The following SLC30A3 variants were observed in gnomAD, a reference collection of about 807,000 sequenced individuals.
SLC30A3 encodes the protein probable proton-coupled zinc antiporter SLC30A3.
Under a neutral mutation model 35.6 loss-of-function variants are expected in SLC30A3, and 20 were observed. The observed-to-expected ratio is 0.56, with a 90% CI of 0.39 to 0.82. The LOEUF is 0.82. SLC30A3 is among the 40% of genes least tolerant of loss of function. SLC30A3 has a pLI of 0.00. For synonymous variants in SLC30A3, 217 were observed against 224.7 expected, an observed-to-expected ratio of 0.97 and a Z score of 0.31; for missense variants, 401 against 530.6, an observed-to-expected ratio of 0.76 and a Z score of 2.40.
chr2:27,275,281 C>T (rs1241627082), exon 1 of SLC30A3: 1 of 1,210,214 alleles, frequency 8.3e-7, no homozygotes, highest in African/African-American at 1.6e-5. Flanking sequence ...CGGTGGGAAT[C>T]CCTGCCCCAA....
At chr2:27,264,457 A>G (rs1677391920), upstream of SLC30A3, among the ~76,000 whole-genome samples, 1 of 152,256 alleles carries the variant, frequency 6.6e-6, no homozygotes, top group Non-Finnish European at 1.5e-5. The surrounding 1 kb of genome is among the most constrained non-coding windows in gnomAD (Gnocchi z 6.1). Context: ...GGATTAGGAA[A>G]GCTGGGCGGC....
rs1433810125 is a variant in SLC30A3, at chr2:27,271,723, G to A, written c.-159+3454C>T. ...CAGTCAAAGAGGCTCTGGTTTCTAG[G>A]TAAAGGCAAAGAGGAGAGCCACTGG... is the stretch of plus-strand genomic sequence containing the variant. On this transcript the variant is annotated intron_variant, in intron 1 of 5. Coordinates refer to the SLC30A3 transcript ENST00000424577. The surrounding 1 kb of genome is among the most constrained non-coding windows in gnomAD (Gnocchi z 4.3). 6.6e-6 allele frequency among the ~76,000 whole-genome samples: 1 copy of A among 152,206 alleles called. No individual in the cohort carries two copies. The highest frequency in any genetic ancestry group is 1.5e-5 in the Non-Finnish European group (1 of 68,046).
rs1677737746 is a variant in SLC30A3 at position 27,271,819 on chromosome 2, A to G, written c.-159+3358T>C. 6.6e-6 allele frequency among the ~76,000 whole-genome samples: 1 copy of G among 152,262 alleles called. No homozygotes were observed. Among genetic ancestry groups the G allele is most frequent in the Non-Finnish European group, 1.5e-5 (1 of 68,040 alleles). On this transcript the variant is annotated intron_variant, in intron 1 of 5. Coordinates refer to the SLC30A3 transcript ENST00000424577. This position sits in a 1 kb window ranked among gnomAD's most constrained non-coding sequence, Gnocchi z 4.3. Reference sequence around the variant, plus strand: ...AGCTTCCTGGCTGAAGTGACATTCTATTCAGAGCAGAGCCTCGCAAGACTT... The same window carrying G: ...AGCTTCCTGGCTGAAGTGACATTCTGTTCAGAGCAGAGCCTCGCAAGACTT...
At position 27,258,679 on chromosome 2, in the gene SLC30A3, C is replaced by T; in HGVS notation, c.277+74G>A. 2 of 1,527,024 alleles carry T rather than the reference C, an allele frequency of 1.3e-6. No individual in the cohort carries two copies. Among genetic ancestry groups the T allele is most frequent in the Non-Finnish European group, 1.8e-6 (2 of 1,106,646 alleles). The allele number at this position is 1,527,024 out of a possible 1,614,324, so 94.6% of individuals were successfully genotyped here. ...CTCTGCATCTGCACCCAGGAACATT[C>T]CTGGGACTCTGGGTGGAGAGTGGCT... is the stretch of plus-strand genomic sequence containing the variant. On this transcript the variant is annotated intron_variant, in intron 2 of 7. Coordinates refer to ENST00000233535, the MANE Select transcript of SLC30A3 (RefSeq NM_003459.5). The surrounding 1 kb of genome is among the most constrained non-coding windows in gnomAD (Gnocchi z 4.0).
At position 27,256,829 on chromosome 2, in the gene SLC30A3, G is replaced by A. The variant is rs1337657404; in HGVS notation, c.842C>T (p.Thr281Ile). The stretch of plus-strand genomic sequence containing the variant: ...AAGAACGTCTCGGAGGGTGGGAGCG[G>A]TGGATCCAAGGGCACAGATGGAGAA... ...FLFSICALGS[T>I]APTLRDVLRI... The change falls in exon 6 of 8, where the codon ACC (threonine) becomes ATC (isoleucine). Residue 281 changes from threonine (T) to isoleucine (I), a missense_variant. Transcript: ENST00000233535. 14 of 1,606,196 alleles carry A rather than the reference G, an allele frequency of 8.7e-6. No homozygotes were observed.
upstream of SLC30A3, among the ~76,000 whole-genome samples, chr2:27,265,096 C>A (rs1221823795): frequency 6.6e-6 from 1 of 152,230 alleles, no homozygotes; most frequent in Non-Finnish European, 1.5e-5. The surrounding 1 kb of genome is among the most constrained non-coding windows in gnomAD (Gnocchi z 5.9). Flanking sequence ...GGATTCTTGG[C>A]ACGGCTCAGC....
At chr2:27,268,593 AAC>A (rs1677596390) in intron 1 of SLC30A3, among the ~76,000 whole-genome samples, 1 of 152,256 alleles carries the variant, frequency 6.6e-6, no homozygotes, top group Admixed American at 6.5e-5. Flanking sequence ...CTCTACTAAA[AAC>A]ACAAAAAATT....
chr2:27,264,023 GC>G (rs1677365922), upstream of SLC30A3: 1 of 1,288,200 alleles, frequency 7.8e-7, no homozygotes, highest in Non-Finnish European at 1.0e-6. This position sits in a 1 kb window ranked among gnomAD's most constrained non-coding sequence, Gnocchi z 6.1. Context: ...AAAGTCGGTG[GC>G]CGAGCCTCAA....
chr2:27,256,504 C>T lies in SLC30A3; in HGVS notation c.900G>A (p.Val300=). Residue 300 remains valine (V), a synonymous_variant, in exon 7 of 8, where the codon GTG becomes GTA. Transcript: ENST00000233535. ...RILMEGTPRN[V]GFEPVRDTLL... ...GCGTATCCCGCACAGGTTCGAACCC[C>T]ACATTGCGGGGGGTACCTGCAACCA... is the stretch of plus-strand genomic sequence containing the variant. 6.2e-7 allele frequency: 1 copy of T among 1,614,064 alleles called. No homozygotes were observed. The highest frequency in any genetic ancestry group is 8.5e-7 in the Non-Finnish European group (1 of 1,180,022).
chr2:27,263,301 CG>C, upstream of SLC30A3: 1 of 476,832 alleles, frequency 2.1e-6, no homozygotes. Context: ...TCCCGCCCAC[CG>C]GTTCCAAGCC....
At position 27,255,291 on chromosome 2, in the gene SLC30A3, G is replaced by C. The variant is rs1200818209; in HGVS notation, c.*21C>G. 6.2e-7 allele frequency: 1 copy of C among 1,612,908 alleles called. No homozygotes were observed. The highest frequency in any genetic ancestry group is 8.5e-7 in the Non-Finnish European group (1 of 1,179,308). On this transcript the variant is annotated 3_prime_UTR_variant, in exon 8 of 8. Coordinates refer to ENST00000233535, the MANE Select transcript of SLC30A3 (RefSeq NM_003459.5). The surrounding 1 kb of genome is among the most constrained non-coding windows in gnomAD (Gnocchi z 5.2). ...GGGGCTGAGCCTCGGCCTGGCAGTGGGGTGAGGGCAGGGCCATGGCTCAGG... is the reference window on the plus strand; with the variant it reads ...GGGGCTGAGCCTCGGCCTGGCAGTGCGGTGAGGGCAGGGCCATGGCTCAGG...
chr2:27,260,070 G>A (rs1470879245), intron 1 of SLC30A3, among the ~76,000 whole-genome samples: 1 of 152,166 alleles, frequency 6.6e-6, no homozygotes, highest in Non-Finnish European at 1.5e-5. Context: ...GTGAAGTGTG[G>A]AGTGGGACTC....
chr2:27,259,787 G>A (rs1677082674), intron 1 of SLC30A3, among the ~76,000 whole-genome samples: 1 of 152,196 alleles, frequency 6.6e-6, no homozygotes, highest in Non-Finnish European at 1.5e-5. Flanking sequence ...ACCCCAAAAT[G>A]AGCAGGATTC....
rs1406433196 is a variant in SLC30A3, at chr2:27,255,330, CT to C, written c.1148del (p.Gln383ArgfsTer82). The part of the protein sequence containing the change: ...QPEMAQCLRC[Q>X]EPPQA ...CCATGGCTCAGGCTTGGGGGGGTTC[CT>C]GGCAGCGCAGGCACTGGGCCATCTC... On this transcript the variant is annotated frameshift_variant, in exon 8 of 8. Coordinates refer to ENST00000233535, the MANE Select transcript of SLC30A3 (RefSeq NM_003459.5). LOFTEE classifies it high-confidence loss of function. The surrounding 1 kb of genome is among the most constrained non-coding windows in gnomAD (Gnocchi z 5.2). 1 of 1,614,012 alleles carries C rather than the reference CT, an allele frequency of 6.2e-7. No homozygotes were observed. Among genetic ancestry groups the C allele is most frequent in the Admixed American group, 1.7e-5 (1 of 60,000 alleles).
intron 1 of SLC30A3, among the ~76,000 whole-genome samples, chr2:27,273,121 G>T (rs1283462904): frequency 6.7e-6 from 1 of 149,118 alleles, no homozygotes; most frequent in Non-Finnish European, 1.5e-5. Context: ...GTGTGTGTGT[G>T]TATTTGCAGG....
rs1309087778 is a variant in SLC30A3, at chr2:27,271,219, G to A, written c.-159+3958C>T. On this transcript the variant is annotated intron_variant, in intron 1 of 5. Coordinates refer to the SLC30A3 transcript ENST00000424577. This position sits in a 1 kb window ranked among gnomAD's most constrained non-coding sequence, Gnocchi z 4.3. ...TCTCCCACTGCATATGTTCCAGAGC[G>A]TGGTATTTTGGGTATAAATATGCCA... 6.6e-6 allele frequency among the ~76,000 whole-genome samples: 1 copy of A among 152,186 alleles called. No individual in the cohort carries two copies. The highest frequency in any genetic ancestry group is 2.4e-5 in the African/African-American group (1 of 41,428).
At chr2:27,274,173 A>C (rs1677872091) in intron 1 of SLC30A3, among the ~76,000 whole-genome samples, 3 of 152,128 alleles carry the variant, frequency 2.0e-5, no homozygotes. Context: ...AATACAAAAA[A>C]AATTAGCCAG....
chr2:27,263,203 C>T (rs575685772), upstream of SLC30A3: 1 of 967,598 alleles, frequency 1.0e-6, no homozygotes, highest in East Asian at 4.7e-5. Flanking sequence ...CGCCAGAGCC[C>T]GGGAGCGCCC....
chr2:27,264,672 C>T (rs1427195592), upstream of SLC30A3, among the ~76,000 whole-genome samples: 7 of 152,098 alleles, frequency 4.6e-5, no homozygotes, highest in Admixed American at 4.6e-4. The surrounding 1 kb of genome is among the most constrained non-coding windows in gnomAD (Gnocchi z 6.1). Context: ...GTCCAAAGCC[C>T]ATGAGGGGTG....
Sources: gnomAD v4.1 joint callset for allele counts (sites outside exome capture counted in the v4.1 genomes callset) on GRCh38, gnomAD v4.1.1 for gene constraint, Gnocchi (gnomAD v3.1) non-coding constraint, MANE v1.5 for transcripts, NCBI Gene and HGNC (gene_info 2026-07-23, HGNC 2026-07-21) for gene names.